The following CSPP1 variants were observed in gnomAD, a reference collection of about 807,000 sequenced individuals.
CSPP1 encodes centrosome and spindle pole-associated protein 1.
A neutral mutation model predicts 164.4 loss-of-function variants in CSPP1; 126 were observed. The observed-to-expected ratio is 0.77, with a 90% confidence interval of 0.66 to 0.89. CSPP1 has a LOEUF of 0.89. Among genes scored for constraint, CSPP1 ranks in the 40% least tolerant of loss-of-function variants. The probability of loss-of-function intolerance (pLI) is 0.00; values close to 1 mark genes in which losing one functional copy is unlikely to be tolerated. For synonymous variants in CSPP1, 472 were observed against 476.7 expected (o/e 0.99, Z 0.13); for missense variants, 1,395 against 1,449.8 (o/e 0.96, Z 0.61).
At chr8:67,081,206 A>G (rs530874970) in intron 3 of CSPP1, 3 of 131,074 alleles carry the variant, frequency 2.3e-5, no homozygotes, top group African/African-American at 7.5e-5. Context: ...TTTAAGGTCA[A>G]ACCCACTAGG....
chr8:67,116,332 T>A (rs1401376176), intron 13 of CSPP1, among the ~76,000 whole-genome samples: 1 of 152,240 alleles, frequency 6.6e-6, no homozygotes, highest in African/African-American at 2.4e-5. Flanking sequence ...TAAAGATGAT[T>A]TTGTATCTTT....
intron 4 of CSPP1, chr8:67,086,845 A>G (rs1462894434): frequency 7.4e-7 from 1 of 1,359,124 alleles, no homozygotes; most frequent in Non-Finnish European, 9.8e-7. Context: ...GGGAAAAGAA[A>G]GGTAGGGTTG....
intron 3 of CSPP1, among the ~76,000 whole-genome samples, chr8:67,076,999 G>A (rs1031866932): frequency 3.3e-5 from 5 of 152,104 alleles, no homozygotes; most frequent in African/African-American, 1.2e-4. Flanking sequence ...TGATGATCAT[G>A]TTGGAATTGT....
chr8:67,132,144 G>A (rs1472368529), intron 16 of CSPP1, 64 bp downstream of exon 16: 1 of 1,475,896 alleles, frequency 6.8e-7, no homozygotes, highest in Non-Finnish European at 9.1e-7. Context: ...GTCCCTTAGA[G>A]CTCAGAGTGT....
At chr8:67,191,247 C>T (rs1836151669) in intron 29 of CSPP1, among the ~76,000 whole-genome samples, 2 of 152,176 alleles carry the variant, frequency 1.3e-5, no homozygotes, top group African/African-American at 2.4e-5. Flanking sequence ...GAGTTTATGT[C>T]CCAGCAATGT....
chr8:67,107,067 A>G (rs1324691706), intron 9 of CSPP1, among the ~76,000 whole-genome samples: 2 of 149,106 alleles, frequency 1.3e-5, no homozygotes, highest in Non-Finnish European at 3.0e-5. Context: ...TTTAATTTTG[A>G]AATTGAGTTT....
chr8:67,190,031 A>C (rs1835782209), intron 28 of CSPP1, among the ~76,000 whole-genome samples: 1 of 152,206 alleles, frequency 6.6e-6, no homozygotes, highest in African/African-American at 2.4e-5. Flanking sequence ...AGTTCCTCAA[A>C]ATGCAGAGTA....
intron 4 of CSPP1, chr8:67,086,996 C>G (rs1810547974): frequency 2.5e-6 from 1 of 399,814 alleles, no homozygotes; most frequent in Non-Finnish European, 4.8e-6. Context: ...TTGAATGGCA[C>G]CATTTTGTAT....
chr8:67,192,421 G>T (rs948717541), intron 29 of CSPP1, among the ~76,000 whole-genome samples: 21 of 152,084 alleles, frequency 1.4e-4, no homozygotes, highest in African/African-American at 4.8e-4. Context: ...AGTTGTAAGA[G>T]TTCTTTTACA....
In CSPP1 at chr8:67,113,835, G is replaced by C. The variant is rs752326108; in HGVS notation, c.1218G>C (p.Ala406=). Residue 406 remains alanine, a synonymous_variant, in exon 11 of 31, where the codon GCG becomes GCC. Transcript: ENST00000678616. ...REKDLELRVA[A]SGAQDPEKSW... is the part of the protein sequence containing the mutation. The stretch of plus-strand genomic sequence containing the variant: ...AAGATTTAGAACTCAGGGTTGCAGC[G>C]TCTGGAGCACAAGACCCTGAGAAAT... The C allele has an allele frequency of 1.1e-5, 17 of 1,592,446 alleles. No homozygotes were observed. In the Admixed American group the frequency reaches 2.9e-4, roughly 28 times the overall value.
intron 30 of CSPP1, among the ~76,000 whole-genome samples, chr8:67,194,773 C>CAGAT (rs2129576379): frequency 6.6e-6 from 1 of 150,620 alleles, no homozygotes; most frequent in African/African-American, 2.4e-5. Context: ...AAGTAAAATA[C>CAGAT]AGATAGAAGT....
At chr8:67,084,887 T>A (rs1481987775) in intron 3 of CSPP1, among the ~76,000 whole-genome samples, 1 of 152,200 alleles carries the variant, frequency 6.6e-6, no homozygotes, top group African/African-American at 2.4e-5. Context: ...CTTGACATAG[T>A]ATTTTATTAT....
At chr8:67,194,148 T>TAAC (rs1172553207) in intron 30 of CSPP1, among the ~76,000 whole-genome samples, 1 of 152,156 alleles carries the variant, frequency 6.6e-6, no homozygotes, top group Non-Finnish European at 1.5e-5. Context: ...CTTAGACACC[T>TAAC]AACAAGCTAC....
In CSPP1 at chr8:67,113,863, G is replaced by T. The variant is rs752889036; in HGVS notation, c.1245+1G>T. On this transcript the variant is annotated splice_donor_variant, in intron 11 of 30. Coordinates refer to ENST00000678616, the MANE Select transcript of CSPP1 (RefSeq NM_001382391.1). LOFTEE classifies it high-confidence loss of function. ...TGGAGCACAAGACCCTGAGAAATCGGTAAGGGTTTCTGGCATCTTTTAATG... is the reference window on the plus strand; with the variant it reads ...TGGAGCACAAGACCCTGAGAAATCGTTAAGGGTTTCTGGCATCTTTTAATG... The T allele has an allele frequency of 6.4e-7, 1 of 1,563,444 alleles. No individual in the cohort carries two copies. Among genetic ancestry groups the T allele is most frequent in the East Asian group, 2.3e-5 (1 of 44,144 alleles).
chr8:67,064,640 T>C, intron 1 of CSPP1, 102 bp downstream of exon 1: 1 of 855,482 alleles, frequency 1.2e-6, no homozygotes, highest in Non-Finnish European at 1.5e-6. Context: ...GGCGTAGGTC[T>C]CGAGGCAACT....
intron 21 of CSPP1, among the ~76,000 whole-genome samples, chr8:67,159,911 T>TCTTC (rs1827660184): frequency 5.9e-5 from 4 of 68,096 alleles, no homozygotes; most frequent in Non-Finnish European, 1.1e-4. Context: ...TTTCTTTCTT[T>TCTTC]CTTTCTTTCT....
chr8:67,142,509 T>A (rs1246583837), intron 17 of CSPP1, among the ~76,000 whole-genome samples: 2 of 152,222 alleles, frequency 1.3e-5, no homozygotes, highest in African/African-American at 4.8e-5. Flanking sequence ...TTATTTTTTT[T>A]ATTACTGAAT....
At chr8:67,084,027 G>A (rs557830673) in intron 3 of CSPP1, 110 of 152,154 alleles carry the variant, frequency 7.2e-4, no homozygotes, top group African/African-American at 2.4e-3. Flanking sequence ...ATAGCGCATG[G>A]GCCTTGCCTT....
chr8:67,185,691 G>C (rs1483475483), intron 28 of CSPP1, among the ~76,000 whole-genome samples: 1 of 152,192 alleles, frequency 6.6e-6, no homozygotes, highest in Non-Finnish European at 1.5e-5. Flanking sequence ...GGAGGTGGTA[G>C]CAAGGTTCCA....
Sources: gnomAD v4.1 joint callset for allele counts (sites outside exome capture counted in the v4.1 genomes callset) on GRCh38, gnomAD v4.1.1 for gene constraint, MANE v1.5 for transcripts, NCBI Gene and HGNC (gene_info 2026-07-23, HGNC 2026-07-21) for gene names.